Variants in PLD5 observed in about 807,000 individuals in gnomAD.
The protein encoded by PLD5 is phospholipase D family member 5.
A neutral mutation model predicts 61.1 loss-of-function variants in PLD5; 36 were observed. The observed-to-expected ratio is 0.59, with a 90% CI of 0.45 to 0.78. The LOEUF is 0.78. Among genes scored for constraint, PLD5 ranks in the 30% least tolerant of loss-of-function variants. The pLI is 0.00. For synonymous variants in PLD5, 243 were observed against 242.8 expected (o/e 1.00, Z -0.01); for missense variants, 515 against 644.4 (o/e 0.80, Z 2.17).
chr1:242,142,463 G>A (rs1298934332), intron 5 of PLD5, among the ~76,000 whole-genome samples: 3 of 152,088 alleles, frequency 2.0e-5, no homozygotes, highest in Non-Finnish European at 2.9e-5. Flanking sequence ...CCAAATGGGA[G>A]CAACGTACAT....
intron 2 of PLD5, among the ~76,000 whole-genome samples, chr1:242,325,161 G>GA (rs1317604893): frequency 6.6e-6 from 1 of 152,072 alleles, no homozygotes; most frequent in Non-Finnish European, 1.5e-5. Context: ...CATAAGGCTA[G>GA]AAAACATCCT....
chr1:242,147,433 GT>G (rs1388104125), intron 5 of PLD5: 1 of 152,218 alleles, frequency 6.6e-6, no homozygotes, highest in African/African-American at 2.4e-5. Flanking sequence ...CATTTGGGTA[GT>G]TTTTAGTTCC....
chr1:242,296,713 A>AT (rs995225311), intron 2 of PLD5, among the ~76,000 whole-genome samples: 33 of 150,046 alleles, frequency 2.2e-4, no homozygotes, highest in Admixed American at 1.0e-3. Flanking sequence ...TATGCTGATT[A>AT]TTTTTTTTTT....
At chr1:242,122,701 T>C (rs1384616721) in intron 6 of PLD5, among the ~76,000 whole-genome samples, 5 of 152,358 alleles carry the variant, frequency 3.3e-5, no homozygotes, top group Middle Eastern at 6.8e-3. Context: ...ACAAAAATGT[T>C]ATTTTACCTC....
intron 1 of PLD5, among the ~76,000 whole-genome samples, chr1:242,353,418 C>T (rs975556734): frequency 1.3e-5 from 2 of 152,136 alleles, no homozygotes; most frequent in Non-Finnish European, 2.9e-5. Context: ...TTAATTACTA[C>T]TGTTTTGTAG....
chr1:242,411,211 G>T (rs1258714195), intron 1 of PLD5, among the ~76,000 whole-genome samples: 7 of 149,220 alleles, frequency 4.7e-5, no homozygotes, highest in Non-Finnish European at 1.0e-4. Context: ...GAGAAGGATT[G>T]CCCAACCTGT....
chr1:242,355,444 T>C (rs1660702701), intron 1 of PLD5, among the ~76,000 whole-genome samples: 1 of 152,144 alleles, frequency 6.6e-6, no homozygotes, highest in Non-Finnish European at 1.5e-5. Context: ...GTTTCTGTAG[T>C]TATCAGTTGT....
chr1:242,369,867 C>G (rs1171817112), intron 1 of PLD5, among the ~76,000 whole-genome samples: 1 of 152,162 alleles, frequency 6.6e-6, no homozygotes, highest in Admixed American at 6.5e-5. Flanking sequence ...AAAGTTCTTC[C>G]AATTACTAAG....
At chr1:242,369,668 G>A (rs1243803910) in intron 1 of PLD5, among the ~76,000 whole-genome samples, 2 of 152,156 alleles carry the variant, frequency 1.3e-5, no homozygotes, top group African/African-American at 2.4e-5. Flanking sequence ...GGTTTGCTCT[G>A]CATTTTTCTG....
chr1:242,418,619 G>A (rs73133717), intron 1 of PLD5, among the ~76,000 whole-genome samples: 5,688 of 152,254 alleles, frequency 0.037, 381 homozygotes, highest in African/African-American at 0.13. Context: ...TCTGGGAAGA[G>A]GGGCTGACCT....
chr1:242,502,454 T>A (rs1428421287), intron 1 of PLD5, among the ~76,000 whole-genome samples: 1 of 152,188 alleles, frequency 6.6e-6, no homozygotes, highest in Non-Finnish European at 1.5e-5. Context: ...AATTATATAA[T>A]CACCTATCTA....
Position 242,394,225 on chromosome 1 carries a change from T to A in PLD5, c.190-45983A>T, listed in dbSNP as rs1449803856. 4.1e-4 allele frequency among the ~76,000 whole-genome samples: 13 copies of A among 31,958 alleles called. 3 individuals carry two copies. Among genetic ancestry groups the A allele is most frequent in the African/African-American group, 8.6e-4 (13 of 15,068 alleles). 21.0% of individuals were successfully genotyped at this position (31,958 alleles called of 152,430 possible). On this transcript the variant is annotated intron_variant, in intron 1 of 9. Transcript: ENST00000536534. ...ATATGTGTATATGAGTATATATATGTGTATATATATGAGTATATATATGTG... is the reference window on the plus strand; with the variant it reads ...ATATGTGTATATGAGTATATATATGAGTATATATATGAGTATATATATGTG...
At chr1:242,513,830 C>T (rs564970026) in intron 1 of PLD5, among the ~76,000 whole-genome samples, 19 of 152,338 alleles carry the variant, frequency 1.2e-4, no homozygotes, top group Non-Finnish European at 1.9e-4. Context: ...CTGGCACATC[C>T]GTGGCACTCA....
chr1:242,246,516 C>CACACAA (rs1475199350), intron 4 of PLD5, among the ~76,000 whole-genome samples: 2 of 147,352 alleles, frequency 1.4e-5, no homozygotes, highest in Non-Finnish European at 1.5e-5. Context: ...CACACACACA[C>CACACAA]AAAAGCAAAA....
chr1:242,336,347 G>T (rs147379600), intron 2 of PLD5, among the ~76,000 whole-genome samples: 4,632 of 152,178 alleles, frequency 0.03, 105 homozygotes, highest in Admixed American at 0.042. Context: ...TTCCAGGATC[G>T]ATAAAGATCT....
At chr1:242,458,825 G>A (rs561413818) in intron 1 of PLD5, among the ~76,000 whole-genome samples, 4 of 152,250 alleles carry the variant, frequency 2.6e-5, no homozygotes, top group Admixed American at 2.0e-4. Flanking sequence ...TTGGCTCCCC[G>A]TAGCCTTACA....
chr1:242,314,014 G>A (rs1676861439), intron 2 of PLD5, among the ~76,000 whole-genome samples: 1 of 152,140 alleles, frequency 6.6e-6, no homozygotes, highest in South Asian at 2.1e-4. Flanking sequence ...GGTCACTTTA[G>A]TGGTCACCTG....
intron 2 of PLD5, among the ~76,000 whole-genome samples, 163 bp from the exon 3 acceptor site, chr1:242,288,693 A>C (rs1048913527): frequency 1.3e-5 from 2 of 152,360 alleles, no homozygotes; most frequent in East Asian, 1.9e-4. Flanking sequence ...GTCTTCTTAC[A>C]TTTAACCTCT....
At chr1:242,494,854 C>A (rs975513844) in intron 1 of PLD5, among the ~76,000 whole-genome samples, 20 of 151,244 alleles carry the variant, frequency 1.3e-4, no homozygotes, top group Non-Finnish European at 2.5e-4. Flanking sequence ...TTGGCTGACA[C>A]AACCCCCAAT....
Sources: allele counts gnomAD v4.1 joint callset (sites outside exome capture counted in the v4.1 genomes callset), GRCh38; gene constraint gnomAD v4.1.1; transcripts MANE v1.5; gene names NCBI Gene and HGNC (gene_info 2026-07-23, HGNC 2026-07-21).